The following ADGRL3 variants were observed in gnomAD, a reference collection of about 807,000 sequenced individuals.
ADGRL3 encodes adhesion G protein-coupled receptor L3.
Under a neutral mutation model 153.5 loss-of-function variants are expected in ADGRL3, and 62 were observed. That is an observed-to-expected ratio of 0.40 (90% confidence interval 0.33 to 0.50). The LOEUF is 0.50. Among genes scored for constraint, ADGRL3 ranks in the 20% least tolerant of loss-of-function variants. ADGRL3 has a pLI of 0.47. For synonymous variants in ADGRL3, 710 were observed against 672.5 expected (o/e 1.06, Z -0.86); for missense variants, 1,641 against 1,859.4 (o/e 0.88, Z 2.16).
At position 61,303,533 on chromosome 4, in the gene ADGRL3, A is replaced by T. The variant is rs189428512; in HGVS notation, c.-239-79591A>T. On this transcript the variant is annotated intron_variant, in intron 1 of 26. Transcript: ENST00000683033. ...ATGTTTTTACCTGAAACTAGCTGTG[A>T]CAGAAACGGTTTCTGGAAAATATCA... 1.7e-3 allele frequency among the ~76,000 whole-genome samples: 258 copies of T among 152,208 alleles called. 3 individuals are homozygous for T. The highest frequency in any genetic ancestry group is 5.6e-4 in the Non-Finnish European group (38 of 67,980).
intron 8 of ADGRL3, among the ~76,000 whole-genome samples, chr4:61,770,302 T>G (rs2097068530): frequency 6.6e-6 from 1 of 152,186 alleles, no homozygotes; most frequent in Non-Finnish European, 1.5e-5. Context: ...AGATGGACAC[T>G]GAAGCAGTTT....
chr4:61,497,053 G>A, intron 2 of ADGRL3, 68 bp from the exon 3 acceptor site: 2 of 479,786 alleles, frequency 4.2e-6, no homozygotes, highest in South Asian at 2.8e-5. Context: ...TATATGTATT[G>A]TATAAATAAT....
At chr4:61,844,635 A>G (rs1217049351) in intron 9 of ADGRL3, among the ~76,000 whole-genome samples, 1 of 143,966 alleles carries the variant, frequency 6.9e-6, no homozygotes, top group Non-Finnish European at 1.5e-5. Flanking sequence ...GAAAAGACTG[A>G]CTAAAACGAA....
Position 62,070,312 on chromosome 4 carries a change from C to T in ADGRL3, c.4036C>T (p.Leu1346=). ...CACTTCCAACTATATCCCTTCTTAC[C>T]TGAACAACCATGAGCGCTCCAGTGA... ...ELTSNYIPSY[L]NNHERSSEQN... is the part of the protein sequence containing the mutation. Residue 1346 remains leucine, a synonymous_variant, in exon 27 of 27, where the codon CTG becomes TTG. Transcript: ENST00000683033. 1 of 1,558,540 alleles carries T rather than the reference C, an allele frequency of 6.4e-7. No individual in the cohort carries two copies. The highest frequency in any genetic ancestry group is 1.7e-4 in the Middle Eastern group (1 of 5,998).
chr4:61,431,244 G>T lies in ADGRL3; in HGVS notation c.-174+48055G>T, dbSNP rs2097352199. ...ATAAATTTCACTGACCACGAAATAG[G>T]ATCTTTAAGGTGCTTAAACAATCCT... On this transcript the variant is annotated intron_variant, in intron 2 of 26. Coordinates refer to ENST00000683033, the MANE Select transcript of ADGRL3 (RefSeq NM_001387552.1). Among the ~76,000 whole-genome samples the T allele has an allele frequency of 2.0e-5, 3 of 152,142 alleles. No homozygotes were observed. In the South Asian group the frequency reaches 6.2e-4, roughly 32 times the overall value.
At chr4:61,907,499 C>T (rs958912746) in intron 11 of ADGRL3, among the ~76,000 whole-genome samples, 1 of 151,854 alleles carries the variant, frequency 6.6e-6, no homozygotes, top group South Asian at 2.1e-4. Context: ...CCTCGTGACC[C>T]ACCCGCCTCA....
At chr4:61,826,267 C>T (rs995952026) in intron 9 of ADGRL3, among the ~76,000 whole-genome samples, 1 of 152,034 alleles carries the variant, frequency 6.6e-6, no homozygotes, top group Non-Finnish European at 1.5e-5. Flanking sequence ...GTGAGTTGGC[C>T]ATTATTACAG....
intron 2 of ADGRL3, among the ~76,000 whole-genome samples, chr4:61,452,681 CATT>C (rs2097689969): frequency 1.3e-5 from 2 of 152,088 alleles, no homozygotes; most frequent in Non-Finnish European, 2.9e-5. Context: ...TTTTCACTAA[CATT>C]GTTGGCATGG....
At chr4:61,838,173 A>G (rs2148956018) in intron 9 of ADGRL3, among the ~76,000 whole-genome samples, 1 of 152,302 alleles carries the variant, frequency 6.6e-6, no homozygotes, top group South Asian at 2.1e-4. Context: ...TAGTAATTAT[A>G]CTTGCTGGAT....
chr4:61,833,820 ATAAAC>A (rs2097901455), intron 9 of ADGRL3, among the ~76,000 whole-genome samples: 1 of 152,180 alleles, frequency 6.6e-6, no homozygotes, highest in Non-Finnish European at 1.5e-5. Flanking sequence ...GTTTTAGACT[ATAAAC>A]TAAGTTCTTC....
At chr4:61,860,718 A>G (rs1313943839) in intron 9 of ADGRL3, among the ~76,000 whole-genome samples, 1 of 152,100 alleles carries the variant, frequency 6.6e-6, no homozygotes, top group Non-Finnish European at 1.5e-5. Flanking sequence ...CATATTATTA[A>G]TAGCTGCCAT....
At chr4:61,339,094 T>C (rs970309650) in intron 1 of ADGRL3, among the ~76,000 whole-genome samples, 4 of 152,162 alleles carry the variant, frequency 2.6e-5, no homozygotes, top group Non-Finnish European at 4.4e-5. Flanking sequence ...TAGAGTCAGA[T>C]TGACTCTAGA....
chr4:61,733,595 A>C, intron 8 of ADGRL3, 41 bp downstream of exon 8: 1 of 1,382,396 alleles, frequency 7.2e-7, no homozygotes, highest in Non-Finnish European at 1.0e-6. Context: ...GGAAATATTT[A>C]CTGTTTGTTC....
intron 23 of ADGRL3, among the ~76,000 whole-genome samples, chr4:62,035,050 C>T (rs566074721): frequency 1.2e-3 from 176 of 152,034 alleles, no homozygotes; most frequent in Non-Finnish European, 1.8e-3. Context: ...AATGATTGAA[C>T]AATCAAATAA....
At chr4:61,970,235 A>T (rs1189215867) in intron 17 of ADGRL3, among the ~76,000 whole-genome samples, 1 of 152,136 alleles carries the variant, frequency 6.6e-6, no homozygotes, top group African/African-American at 2.4e-5. Flanking sequence ...TTTGAAAATT[A>T]TGTGTTGGTT....
intron 4 of ADGRL3, among the ~76,000 whole-genome samples, chr4:61,560,186 G>A (rs10517540): frequency 0.045 from 6,826 of 151,882 alleles, 493 homozygotes; most frequent in African/African-American, 0.15. Flanking sequence ...TATTTGCCTC[G>A]AAACACAAGA....
At chr4:61,951,734 G>T (rs1427748972) in intron 17 of ADGRL3, among the ~76,000 whole-genome samples, 1 of 151,996 alleles carries the variant, frequency 6.6e-6, no homozygotes, top group Admixed American at 6.6e-5. Flanking sequence ...GCGTGATGGT[G>T]CATGCCTGTA....
intron 8 of ADGRL3, among the ~76,000 whole-genome samples, chr4:61,764,713 A>C (rs1272431555): frequency 6.6e-6 from 1 of 152,066 alleles, no homozygotes; most frequent in African/African-American, 2.4e-5. Context: ...CTGCCTTCTT[A>C]ATAAGAAAAA....
chr4:61,801,687 T>C (rs2097499494), intron 8 of ADGRL3, among the ~76,000 whole-genome samples: 1 of 152,090 alleles, frequency 6.6e-6, no homozygotes, highest in Non-Finnish European at 1.5e-5. Flanking sequence ...CAAAAGAGGA[T>C]ATAATATCAA....
Sources: allele counts gnomAD v4.1 joint callset (sites outside exome capture counted in the v4.1 genomes callset), GRCh38; gene constraint gnomAD v4.1.1; transcripts MANE v1.5; gene names NCBI Gene and HGNC (gene_info 2026-07-23, HGNC 2026-07-21).